ANKRD28: variants seen among roughly 807,000 people sequenced by gnomAD.
ANKRD28 encodes ankyrin repeat domain 28.
ANKRD28 carries 44 observed loss-of-function variants against 126.5 expected under a neutral mutation model. That is an observed-to-expected ratio of 0.35 (90% CI 0.27 to 0.45). The LOEUF is 0.45. ANKRD28 is among the 20% of genes least tolerant of loss of function. ANKRD28 has a pLI of 1.00. For synonymous variants in ANKRD28, 442 were observed against 468.5 expected (o/e 0.94, Z 0.73); for missense variants, 1,110 against 1,316.6 (o/e 0.84, Z 2.43).
At chr3:15,766,966 T>C (rs578244315) in intron 2 of ANKRD28, among the ~76,000 whole-genome samples, 1 of 152,330 alleles carries the variant, frequency 6.6e-6, no homozygotes, top group South Asian at 2.1e-4. Flanking sequence ...ATCAAAATGT[T>C]TTCACAACAG....
Position 15,695,321 on chromosome 3 carries a change from C to T in ANKRD28, c.1660-107G>A, listed in dbSNP as rs186999982. On this transcript the variant is annotated intron_variant, in intron 15 of 27. Transcript: ENST00000683139. ...AACTTTTACCCTAAACCCGTGCTTC[C>T]TTTGGCTCCAAAAAATTAGGTGTTT... The T allele has an allele frequency of 5.6e-4, 440 of 783,756 alleles. 6 individuals are homozygous for T. The African/African-American group carries it at 6.9e-3, about 12-fold the overall frequency. The allele number at this position is 783,756 out of a possible 1,614,324, so 48.6% of individuals were successfully genotyped here. A position where few individuals can be genotyped will look rare whatever the true frequency, so the allele number is the denominator to read the frequency against.
intron 2 of ANKRD28, among the ~76,000 whole-genome samples, chr3:15,771,164 C>T (rs933545683): frequency 1.3e-5 from 2 of 151,658 alleles, no homozygotes; most frequent in African/African-American, 4.8e-5. Context: ...AATCCCAGCA[C>T]TTTGGGAAGC....
At chr3:15,856,660 AC>A (rs754140693) in intron 1 of ANKRD28, among the ~76,000 whole-genome samples, 3 of 152,208 alleles carry the variant, frequency 2.0e-5, no homozygotes, top group Non-Finnish European at 4.4e-5. Context: ...ATAACTTCTT[AC>A]CCCCATAATT....
rs1328230340 is a variant in ANKRD28, at chr3:15,854,032, T to C, written c.27+5345A>G. Among the ~76,000 whole-genome samples the C allele has an allele frequency of 6.6e-6, 1 of 152,222 alleles. No homozygotes were observed. Among genetic ancestry groups the C allele is most frequent in the African/African-American group, 2.4e-5 (1 of 41,452 alleles). On this transcript the variant is annotated intron_variant, in intron 1 of 27. Coordinates refer to the ANKRD28 transcript ENST00000399451. This position sits in a 1 kb window ranked among gnomAD's most constrained non-coding sequence, Gnocchi z 4.1. ...CAGTAGCTACCTAACTGGTCCTGGG[T>C]GTCCCTGTTTGTCTGCCTTTTGTAA...
intron 14 of ANKRD28, among the ~76,000 whole-genome samples, chr3:15,698,935 C>G (rs577644431): frequency 7.7e-4 from 117 of 152,298 alleles, no homozygotes; most frequent in Middle Eastern, 3.4e-3. Context: ...ATTGCCAAGA[C>G]AATCCTAAGC....
intron 1 of ANKRD28, among the ~76,000 whole-genome samples, chr3:15,856,880 C>G (rs1279493346): frequency 6.6e-6 from 1 of 152,176 alleles, no homozygotes; most frequent in African/African-American, 2.4e-5. Flanking sequence ...ACAAGGTGAA[C>G]AGCGAAACAG....
At chr3:15,806,526 C>CTT (rs564676719) in intron 1 of ANKRD28, among the ~76,000 whole-genome samples, 1 of 145,850 alleles carries the variant, frequency 6.9e-6, no homozygotes. Flanking sequence ...ATCATCACAT[C>CTT]TTTTTTTTTT....
chr3:15,770,181 C>G (rs1377647993), intron 2 of ANKRD28, among the ~76,000 whole-genome samples: 1 of 152,006 alleles, frequency 6.6e-6, no homozygotes, highest in Non-Finnish European at 1.5e-5. Flanking sequence ...TTAGAACTAC[C>G]TCTGACAGAC....
chr3:15,672,551 TTTAA>T (rs1229093477), intron 27 of ANKRD28, among the ~76,000 whole-genome samples: 1 of 152,192 alleles, frequency 6.6e-6, no homozygotes, highest in Non-Finnish European at 1.5e-5. Flanking sequence ...TGTCCGTATT[TTTAA>T]TTAAATTTTA....
At chr3:15,725,923 G>A (rs963314936) in intron 6 of ANKRD28, among the ~76,000 whole-genome samples, 2 of 152,114 alleles carry the variant, frequency 1.3e-5, no homozygotes, top group East Asian at 3.9e-4. Context: ...CACACCTGTA[G>A]TTCCAGCTAC....
At chr3:15,774,778 C>T (rs958456472) in intron 2 of ANKRD28, among the ~76,000 whole-genome samples, 11 of 152,106 alleles carry the variant, frequency 7.2e-5, no homozygotes, top group African/African-American at 2.7e-4. Flanking sequence ...CTGCAACACA[C>T]GCAAGTCAAA....
rs556074683 is a variant in ANKRD28, at chr3:15,683,889, G to A, written c.2389+1337C>T. 4 of 152,256 alleles carry A rather than the reference G, an allele frequency of 2.6e-5. No homozygotes were observed. The South Asian group carries it at 8.3e-4, about 32-fold the overall frequency. The allele number at this position is 152,256 out of a possible 1,614,324, so 9.4% of individuals were successfully genotyped here. On this transcript the variant is annotated intron_variant, in intron 21 of 27. Coordinates refer to ENST00000683139, the MANE Select transcript of ANKRD28 (RefSeq NM_001349278.2). ...GAAAGATAGGAAATCTCAACTTCCTGGTAAGGCAGTCTGATTTTACAACAG... is the reference window on the plus strand; with the variant it reads ...GAAAGATAGGAAATCTCAACTTCCTAGTAAGGCAGTCTGATTTTACAACAG...
Position 15,676,009 on chromosome 3 carries a change from A to G in ANKRD28, c.2874-20T>C, listed in dbSNP as rs761545502. The G allele has an allele frequency of 8.8e-6, 14 of 1,596,636 alleles. No homozygotes were observed. In the East Asian group the frequency reaches 1.6e-4, roughly 18 times the overall value. Reference sequence around the variant, plus strand: ...AGAGGTCTAGGGGAAAAAACATGATACATGTACACATATGTGCATGTGCAT... The same window carrying G: ...AGAGGTCTAGGGGAAAAAACATGATGCATGTACACATATGTGCATGTGCAT... On this transcript the variant is annotated intron_variant, in intron 26 of 27. Transcript: ENST00000683139.
intron 1 of ANKRD28, among the ~76,000 whole-genome samples, chr3:15,849,321 T>G (rs1467063406): frequency 6.6e-6 from 1 of 152,208 alleles, no homozygotes; most frequent in East Asian, 1.9e-4. Context: ...GGAATGCAAG[T>G]GACCCATAAA....
At chr3:15,822,961 A>G (rs1483894667) in intron 1 of ANKRD28, among the ~76,000 whole-genome samples, 2 of 152,234 alleles carry the variant, frequency 1.3e-5, no homozygotes, top group African/African-American at 4.8e-5. Flanking sequence ...TACTATTTTA[A>G]TTGTAAGCCA....
intron 6 of ANKRD28, among the ~76,000 whole-genome samples, chr3:15,727,290 T>C (rs2074239788): frequency 1.3e-5 from 2 of 152,078 alleles, no homozygotes. Flanking sequence ...ATTAAGAACA[T>C]ACCTGGCCAG....
At chr3:15,808,608 G>C (rs2060639786) in intron 1 of ANKRD28, among the ~76,000 whole-genome samples, 1 of 152,170 alleles carries the variant, frequency 6.6e-6, no homozygotes, top group Admixed American at 6.5e-5. Context: ...AGTTGCAGAG[G>C]AAAAGGTTCA....
intron 1 of ANKRD28, among the ~76,000 whole-genome samples, chr3:15,820,667 T>C (rs988270311): frequency 1.3e-5 from 2 of 152,118 alleles, no homozygotes; most frequent in African/African-American, 4.8e-5. Flanking sequence ...CCAAAGACAT[T>C]GAGGAATGGT....
intron 3 of ANKRD28, among the ~76,000 whole-genome samples, chr3:15,753,059 G>C (rs1262492875): frequency 2.0e-5 from 3 of 152,178 alleles, no homozygotes; most frequent in Non-Finnish European, 2.9e-5. Context: ...GATGCTGAGA[G>C]TAGCTGAGTT....
Sources: gnomAD v4.1 joint callset for allele counts (sites outside exome capture counted in the v4.1 genomes callset) on GRCh38, gnomAD v4.1.1 for gene constraint, Gnocchi (gnomAD v3.1) non-coding constraint, MANE v1.5 for transcripts, NCBI Gene and HGNC (gene_info 2026-07-23, HGNC 2026-07-21) for gene names.